SYN3: variants seen among roughly 807,000 people sequenced by gnomAD.
The protein encoded by SYN3 is synapsin-3.
In SYN3, 35 loss-of-function variants were observed where a neutral mutation model predicts 65.8. The ratio of observed to expected loss-of-function variants is 0.53; its 90% CI spans 0.41 to 0.70. SYN3 has a LOEUF of 0.70. Ranked by LOEUF, SYN3 falls within the 30% of genes least tolerant of loss-of-function variation. SYN3 has a pLI of 0.00. For synonymous variants in SYN3, 270 were observed against 292.9 expected, an observed-to-expected ratio of 0.92 and a Z score of 0.80; for missense variants, 680 against 749.0, an observed-to-expected ratio of 0.91 and a Z score of 1.08.
rs148166943 is a variant in SYN3, at chr22:32,548,545, T to A, written c.775-6832A>T. Among the ~76,000 whole-genome samples the A allele has an allele frequency of 7.1e-3, 1,083 of 152,128 alleles. 11 individuals carry two copies. The highest frequency in any genetic ancestry group is 0.023 in the African/African-American group (973 of 41,510). On this transcript the variant is annotated intron_variant, in intron 7 of 13. Coordinates refer to ENST00000358763, the MANE Select transcript of SYN3 (RefSeq NM_003490.4). ...CCACCACCATGCCCGGCTAATTTTT[T>A]GTATTTTTAGTAGAGACGTGGTTTC...
At chr22:33,034,262 T>C (rs1465712639) in intron 1 of SYN3, among the ~76,000 whole-genome samples, 1 of 151,670 alleles carries the variant, frequency 6.6e-6, no homozygotes, top group Non-Finnish European at 1.5e-5. Flanking sequence ...CTTTCTTTCT[T>C]TCAAGACAGA....
At chr22:32,650,850 C>T (rs1032016825) in intron 6 of SYN3, among the ~76,000 whole-genome samples, 11 of 152,158 alleles carry the variant, frequency 7.2e-5, no homozygotes, top group East Asian at 1.9e-4. Flanking sequence ...GCATTAGAGA[C>T]GGCCAAAAAT....
At chr22:33,002,476 CA>C (rs2145779183) in intron 2 of SYN3, among the ~76,000 whole-genome samples, 1 of 152,016 alleles carries the variant, frequency 6.6e-6, no homozygotes, top group South Asian at 2.1e-4. Context: ...ACCCTGTCTA[CA>C]GTAAAAATAC....
intron 6 of SYN3, among the ~76,000 whole-genome samples, chr22:32,739,932 T>C (rs1186093672): frequency 2.0e-5 from 3 of 152,206 alleles, no homozygotes; most frequent in Non-Finnish European, 4.4e-5. Context: ...CCCCTACACA[T>C]GTCGGACCAC....
At position 32,508,732 on chromosome 22, in the gene SYN3, T is replaced by A. The variant is rs1027213599; in HGVS notation, c.*4960A>T. Among the ~76,000 whole-genome samples the A allele has an allele frequency of 7.9e-5, 12 of 152,344 alleles. 1 individual carries two copies. The highest frequency in any genetic ancestry group is 3.9e-4 in the East Asian group (2 of 5,186). The stretch of plus-strand genomic sequence containing the variant: ...CATCTTTTTACTTCAATCTTAATAC[T>A]TTTGTTTGGATTTTATTTCATAGTT... On this transcript the variant is annotated 3_prime_UTR_variant, in exon 14 of 14. Coordinates refer to ENST00000358763, the MANE Select transcript of SYN3 (RefSeq NM_003490.4).
Position 32,769,736 on chromosome 22 carries a change from C to T in SYN3, c.711+95179G>A, listed in dbSNP as rs560179311. Among the ~76,000 whole-genome samples, 314 of 152,198 alleles carry T rather than the reference C, an allele frequency of 2.1e-3. 1 individual carries two copies. The highest frequency in any genetic ancestry group is 7.0e-3 in the African/African-American group (289 of 41,532). ...TTCTCCATGTTGGTCAGGCTGGTCTCGAACTCCCGACCTCAGATGATCCGC... is the reference window on the plus strand; with the variant it reads ...TTCTCCATGTTGGTCAGGCTGGTCTTGAACTCCCGACCTCAGATGATCCGC... On this transcript the variant is annotated intron_variant, in intron 6 of 13. Coordinates refer to ENST00000358763, the MANE Select transcript of SYN3 (RefSeq NM_003490.4).
intron 3 of SYN3, among the ~76,000 whole-genome samples, chr22:32,954,183 T>C (rs780793476): frequency 2.0e-5 from 3 of 152,094 alleles, no homozygotes; most frequent in Non-Finnish European, 4.4e-5. Flanking sequence ...AAAACATCCA[T>C]TGCCCTTTGC....
intron 7 of SYN3, among the ~76,000 whole-genome samples, chr22:32,582,513 C>A (rs753919086): frequency 1.3e-5 from 2 of 151,648 alleles, no homozygotes; most frequent in African/African-American, 4.8e-5. Flanking sequence ...CCACAACCAG[C>A]TAATTTTTAT....
chr22:32,785,213 C>T (rs1424166481), intron 6 of SYN3, among the ~76,000 whole-genome samples: 3 of 152,084 alleles, frequency 2.0e-5, no homozygotes, highest in African/African-American at 7.2e-5. Context: ...GAGGGTTATA[C>T]AGAGACTCCA....
chr22:32,727,898 A>G (rs2061218090), intron 6 of SYN3, among the ~76,000 whole-genome samples: 1 of 152,202 alleles, frequency 6.6e-6, no homozygotes, highest in Non-Finnish European at 1.5e-5. Context: ...AGATGGATAG[A>G]TTGCAAGAAC....
intron 8 of SYN3, among the ~76,000 whole-genome samples, chr22:32,540,175 C>A (rs1418667041): frequency 1.3e-5 from 2 of 152,220 alleles, no homozygotes. Context: ...TACCACCTGG[C>A]CCTCTACAGA....
intron 6 of SYN3, among the ~76,000 whole-genome samples, chr22:32,648,140 C>T (rs1490676746): frequency 6.6e-6 from 1 of 152,148 alleles, no homozygotes; most frequent in African/African-American, 2.4e-5. Flanking sequence ...GCTGGGATTA[C>T]AGGAGCCGCT....
chr22:32,767,369 A>C (rs2045655333), intron 6 of SYN3, among the ~76,000 whole-genome samples: 2 of 139,460 alleles, frequency 1.4e-5, no homozygotes, highest in African/African-American at 2.8e-5. Flanking sequence ...GCTCCTTCAA[A>C]TGATTGCTGG....
intron 6 of SYN3, among the ~76,000 whole-genome samples, chr22:32,803,334 G>T (rs752036921): frequency 6.6e-6 from 1 of 152,054 alleles, no homozygotes; most frequent in Non-Finnish European, 1.5e-5. Flanking sequence ...GGTGAGGAGG[G>T]GGAGGAGGTA....
intron 3 of SYN3, among the ~76,000 whole-genome samples, chr22:32,969,769 C>A (rs1464890566): frequency 6.6e-6 from 1 of 152,170 alleles, no homozygotes; most frequent in East Asian, 1.9e-4. Context: ...TATGTCACAC[C>A]TTCAACTCAC....
chr22:32,632,201 T>A (rs987769123), intron 6 of SYN3, among the ~76,000 whole-genome samples: 2 of 152,226 alleles, frequency 1.3e-5, no homozygotes, highest in Admixed American at 1.3e-4. Context: ...CAGCATACAC[T>A]GCCAGGAGGG....
chr22:32,528,782 G>A (rs1569006662), intron 11 of SYN3, 92 bp downstream of exon 11: 3 of 1,553,602 alleles, frequency 1.9e-6, no homozygotes, highest in South Asian at 2.4e-5. Context: ...TTCTTCCTGG[G>A]GGTATCCCCT....
intron 6 of SYN3, among the ~76,000 whole-genome samples, chr22:32,625,048 A>T (rs1242307575): frequency 1.3e-5 from 2 of 152,150 alleles, no homozygotes; most frequent in East Asian, 3.9e-4. Flanking sequence ...CTGCCTTTCT[A>T]TGCCCAGGGT....
intron 7 of SYN3, among the ~76,000 whole-genome samples, chr22:32,548,099 C>T (rs1481038777): frequency 1.3e-5 from 2 of 152,224 alleles, no homozygotes; most frequent in African/African-American, 2.4e-5. Context: ...ACCTCTTAAA[C>T]TACATAATAC....
Sources: allele counts gnomAD v4.1 joint callset (sites outside exome capture counted in the v4.1 genomes callset), GRCh38; gene constraint gnomAD v4.1.1; transcripts MANE v1.5; gene names NCBI Gene and HGNC (gene_info 2026-07-23, HGNC 2026-07-21).